Variants in ANXA4 observed in about 807,000 individuals in gnomAD.
The protein encoded by ANXA4 is annexin A4, also known as 35-beta calcimedin.
A neutral mutation model predicts 49.8 loss-of-function variants in ANXA4; 39 were observed. The observed-to-expected ratio is 0.78, with a 90% CI of 0.61 to 1.02. ANXA4 has a LOEUF of 1.02. Among genes scored for constraint, ANXA4 ranks in the 50% least tolerant of loss-of-function variants. The pLI, the probability that ANXA4 is intolerant of heterozygous loss-of-function variation, is 0.00. For missense variants in ANXA4, 360 were observed against 410.1 expected, an observed-to-expected ratio of 0.88 and a Z score of 1.05; for synonymous variants, 134 against 152.5, an observed-to-expected ratio of 0.88 and a Z score of 0.89.
chr2:69,824,349 A>T (rs1674368503), intron 12 of ANXA4, among the ~76,000 whole-genome samples: 1 of 151,992 alleles, frequency 6.6e-6, no homozygotes, highest in Non-Finnish European at 1.5e-5. Flanking sequence ...CTAAAAAAAT[A>T]AAAATTAGCC....
intron 2 of ANXA4, among the ~76,000 whole-genome samples, chr2:69,784,452 G>A (rs1672331881): frequency 6.6e-6 from 1 of 152,196 alleles, no homozygotes; most frequent in Non-Finnish European, 1.5e-5. Flanking sequence ...AAAGAACCTT[G>A]TGAAACATTC....
At chr2:69,669,154 A>G (rs1234892222) in intron 2 of ANXA4, among the ~76,000 whole-genome samples, 1 of 151,114 alleles carries the variant, frequency 6.6e-6, no homozygotes, top group African/African-American at 2.4e-5. Flanking sequence ...CATTTTGGCC[A>G]GGCTGGTCTC....
At chr2:69,803,564 T>G (rs2103803651) in intron 3 of ANXA4, 1 of 152,288 alleles carries the variant, frequency 6.6e-6, no homozygotes, top group Non-Finnish European at 1.5e-5. Flanking sequence ...GCTTAAAGTT[T>G]TGGTAAGATG....
At chr2:69,735,237 A>G (rs1028120721) in intron 3 of ANXA4, among the ~76,000 whole-genome samples, 1 of 152,204 alleles carries the variant, frequency 6.6e-6, no homozygotes, top group Non-Finnish European at 1.5e-5. Flanking sequence ...AAGTATATAC[A>G]CAAGTAACAA....
intron 1 of ANXA4, among the ~76,000 whole-genome samples, chr2:69,759,326 A>G (rs1205265971): frequency 1.3e-5 from 2 of 152,198 alleles, no homozygotes; most frequent in Non-Finnish European, 2.9e-5. Context: ...TGTGATTACA[A>G]CTGTGCTGAA....
chr2:69,717,767 AC>A (rs1209374469), intron 2 of ANXA4, among the ~76,000 whole-genome samples: 9 of 152,024 alleles, frequency 5.9e-5, no homozygotes, highest in Admixed American at 3.9e-4. Context: ...TGGGACTGGT[AC>A]CTCATCCAGT....
At chr2:69,757,238 T>TTATATATA (rs869068494) in intron 1 of ANXA4, among the ~76,000 whole-genome samples, 2 of 59,066 alleles carry the variant, frequency 3.4e-5, no homozygotes, top group African/African-American at 1.3e-4. Flanking sequence ...CATTTTTGTT[T>TTATATATA]TATATATATA....
intron 4 of ANXA4, 117 bp from the exon 5 acceptor site, chr2:69,806,268 G>A (rs981207459): frequency 4.5e-6 from 3 of 661,918 alleles, no homozygotes; most frequent in African/African-American, 3.6e-5. Context: ...GGATAGTTTT[G>A]ACTTGCAGGC....
upstream of ANXA4, chr2:69,643,940 G>A (rs1675885559): frequency 9.0e-7 from 1 of 1,112,678 alleles, no homozygotes; most frequent in Non-Finnish European, 1.1e-6. Flanking sequence ...TGCAGACAGA[G>A]TTCTGGAAAA....
upstream of ANXA4, among the ~76,000 whole-genome samples, chr2:69,739,909 A>T (rs1670341151): frequency 6.6e-6 from 1 of 152,140 alleles, no homozygotes; most frequent in Non-Finnish European, 1.5e-5. Flanking sequence ...CCAGAGGGAG[A>T]AACTGAGCAA....
At chr2:69,812,184 G>T (rs536655498) in intron 7 of ANXA4, among the ~76,000 whole-genome samples, 1 of 149,904 alleles carries the variant, frequency 6.7e-6, no homozygotes, top group Admixed American at 6.7e-5. Context: ...CTCTTCACAG[G>T]TGCCATCTTA....
At chr2:69,721,609 G>A (rs557380198) in intron 3 of ANXA4, among the ~76,000 whole-genome samples, 16 of 152,106 alleles carry the variant, frequency 1.1e-4, no homozygotes, top group Admixed American at 2.0e-4. Flanking sequence ...GCTAAGGTGA[G>A]GATTGCTTGA....
chr2:69,715,027 TGAA>T (rs977876118), intron 2 of ANXA4, among the ~76,000 whole-genome samples: 14 of 152,120 alleles, frequency 9.2e-5, no homozygotes, highest in African/African-American at 3.4e-4. Context: ...AAGCCAAGAT[TGAA>T]GAAGACAGAA....
intron 1 of ANXA4, among the ~76,000 whole-genome samples, chr2:69,748,806 G>A (rs1357501419): frequency 1.3e-5 from 2 of 151,206 alleles, no homozygotes; most frequent in East Asian, 3.9e-4. Context: ...GACCTCCCAA[G>A]CTCAGGGGAT....
intron 2 of ANXA4, among the ~76,000 whole-genome samples, chr2:69,695,496 A>G (rs192648410): frequency 1.6e-3 from 251 of 152,350 alleles, no homozygotes; most frequent in Middle Eastern, 3.4e-3. Flanking sequence ...TGTAATAAGC[A>G]GCATAGAACA....
intron 1 of ANXA4, among the ~76,000 whole-genome samples, chr2:69,766,800 A>C (rs971764245): frequency 1.3e-5 from 2 of 152,188 alleles, no homozygotes; most frequent in African/African-American, 4.8e-5. Flanking sequence ...ACTGCCCAGA[A>C]GGCAAACCCA....
chr2:69,672,809 A>G (rs1028621565), intron 2 of ANXA4, among the ~76,000 whole-genome samples: 5 of 152,168 alleles, frequency 3.3e-5, no homozygotes, highest in Non-Finnish European at 7.3e-5. Context: ...ACCTGAAACA[A>G]TTAAGGGAAC....
chr2:69,751,851 C>G (rs776154416), intron 1 of ANXA4, among the ~76,000 whole-genome samples: 5 of 152,144 alleles, frequency 3.3e-5, no homozygotes, highest in Non-Finnish European at 7.3e-5. Context: ...TCAGTGGCCT[C>G]TGCCAAATGG....
At chr2:69,809,256 A>T (rs1244811103) in intron 6 of ANXA4, 1 of 152,044 alleles carries the variant, frequency 6.6e-6, no homozygotes, top group Non-Finnish European at 1.5e-5. Context: ...AACATGTGTT[A>T]CCTTTATAGA....
Sources: allele counts gnomAD v4.1 joint callset (sites outside exome capture counted in the v4.1 genomes callset), GRCh38; gene constraint gnomAD v4.1.1; transcripts MANE v1.5; gene names NCBI Gene and HGNC (gene_info 2026-07-23, HGNC 2026-07-21).